Variants in CDH18 observed in about 807,000 individuals in gnomAD.
CDH18 encodes cadherin-18.
CDH18 carries 31 observed loss-of-function variants against 67.9 expected under a neutral mutation model. The ratio of observed to expected loss-of-function variants is 0.46; its 90% CI spans 0.34 to 0.62. The LOEUF is 0.62. CDH18 is among the 20% of genes least tolerant of loss of function. The pLI, the probability that CDH18 is intolerant of heterozygous loss-of-function variation, is 0.01. For missense variants in CDH18, 890 were observed against 975.5 expected (o/e 0.91, Z 1.17); for synonymous variants, 362 against 347.2 (o/e 1.04, Z -0.48).
At chr5:19,694,738 T>C (rs1762328928) in intron 5 of CDH18, among the ~76,000 whole-genome samples, 1 of 151,930 alleles carries the variant, frequency 6.6e-6, no homozygotes, top group Non-Finnish European at 1.5e-5. Context: ...TTGTAAAAGA[T>C]AAAAATTAAC....
chr5:20,344,064 A>G (rs577959426), intron 1 of CDH18, among the ~76,000 whole-genome samples: 7 of 152,186 alleles, frequency 4.6e-5, no homozygotes, highest in Non-Finnish European at 1.0e-4. Context: ...AGAATGAGCC[A>G]TCTCTCAAGG....
At chr5:19,868,901 G>GA (rs904492144) in intron 2 of CDH18, among the ~76,000 whole-genome samples, 24 of 152,188 alleles carry the variant, frequency 1.6e-4, no homozygotes, top group African/African-American at 5.8e-4. Context: ...ATGGGCTAAG[G>GA]AAAAATAGAC....
chr5:19,953,435 A>C (rs1795987559), intron 2 of CDH18, among the ~76,000 whole-genome samples: 1 of 151,990 alleles, frequency 6.6e-6, no homozygotes, highest in African/African-American at 2.4e-5. Flanking sequence ...ACAATGAGCA[A>C]TCCTTAGAAT....
chr5:20,354,940 C>T (rs1227123120), intron 1 of CDH18, among the ~76,000 whole-genome samples: 2 of 152,098 alleles, frequency 1.3e-5, no homozygotes, highest in Non-Finnish European at 2.9e-5. Flanking sequence ...AATAATTGCT[C>T]CAAGACAATA....
intron 2 of CDH18, among the ~76,000 whole-genome samples, chr5:19,916,846 T>C (rs1187249232): frequency 2.6e-5 from 4 of 152,148 alleles, no homozygotes; most frequent in Non-Finnish European, 4.4e-5. Context: ...TAAAGAATGC[T>C]TCAACAAAAT....
intron 3 of CDH18, among the ~76,000 whole-genome samples, chr5:19,753,218 T>C (rs1426260239): frequency 6.6e-6 from 1 of 152,104 alleles, no homozygotes; most frequent in Non-Finnish European, 1.5e-5. Context: ...GGAGGTTAGT[T>C]ATTAATCTAA....
chr5:20,115,162 C>T (rs563651572), intron 2 of CDH18, among the ~76,000 whole-genome samples: 1 of 151,344 alleles, frequency 6.6e-6, no homozygotes, highest in Non-Finnish European at 1.5e-5. Flanking sequence ...TGCAGATTAC[C>T]GCCTTTTTGG....
chr5:19,867,644 ATATATATT>A (rs1785707825), intron 2 of CDH18, among the ~76,000 whole-genome samples: 1 of 3,482 alleles, frequency 2.9e-4, no homozygotes, highest in African/African-American at 8.3e-4. Context: ...GACTCTAAAT[ATATATATT>A]TATATATTTA....
At chr5:19,556,817 A>G (rs1738524140) in intron 8 of CDH18, among the ~76,000 whole-genome samples, 1 of 152,168 alleles carries the variant, frequency 6.6e-6, no homozygotes, top group Admixed American at 6.5e-5. Context: ...TCCTAGGCAC[A>G]TAGTCATCAG....
At chr5:20,543,691 G>T (rs1197411198) in intron 1 of CDH18, among the ~76,000 whole-genome samples, 4 of 152,068 alleles carry the variant, frequency 2.6e-5, no homozygotes, top group Non-Finnish European at 4.4e-5. Flanking sequence ...TATGTGCAAA[G>T]ATGTATTTAA....
intron 1 of CDH18, among the ~76,000 whole-genome samples, chr5:20,571,329 C>T (rs1323445076): frequency 1.3e-5 from 2 of 152,040 alleles, no homozygotes; most frequent in Non-Finnish European, 2.9e-5. Flanking sequence ...AATTTTAGCC[C>T]ATCTCCATTT....
intron 2 of CDH18, among the ~76,000 whole-genome samples, chr5:20,040,442 G>A (rs1740320461): frequency 6.6e-6 from 1 of 152,114 alleles, no homozygotes; most frequent in South Asian, 2.1e-4. Context: ...AAGGTGTACT[G>A]AGTTTTAAGA....
chr5:20,240,803 G>A (rs1463264229), intron 2 of CDH18, among the ~76,000 whole-genome samples: 1 of 151,954 alleles, frequency 6.6e-6, no homozygotes, highest in South Asian at 2.1e-4. Flanking sequence ...CTCAAGTTCT[G>A]CTTTTTATTT....
intron 3 of CDH18, among the ~76,000 whole-genome samples, chr5:19,831,775 A>G (rs1781059442): frequency 6.6e-6 from 1 of 152,120 alleles, no homozygotes; most frequent in Admixed American, 6.6e-5. Context: ...CCCAAAATAA[A>G]TTGTTCTAAC....
intron 6 of CDH18, among the ~76,000 whole-genome samples, chr5:19,599,714 A>G (rs1482694655): frequency 6.6e-6 from 1 of 152,086 alleles, no homozygotes; most frequent in African/African-American, 2.4e-5. Context: ...CATCCTGGCT[A>G]ACACGGTGAA....
intron 2 of CDH18, among the ~76,000 whole-genome samples, chr5:19,892,130 A>C (rs1788838595): frequency 6.6e-6 from 1 of 152,194 alleles, no homozygotes; most frequent in African/African-American, 2.4e-5. Context: ...TGCAATAGGA[A>C]ACAATAGAAA....
At chr5:20,207,380 T>C (rs1739981414) in intron 2 of CDH18, among the ~76,000 whole-genome samples, 1 of 152,022 alleles carries the variant, frequency 6.6e-6, no homozygotes, top group South Asian at 2.1e-4. Context: ...GGAAAATTAA[T>C]ATTGTTAAAA....
chr5:19,875,739 C>T (rs1786914764), intron 2 of CDH18, among the ~76,000 whole-genome samples: 1 of 151,654 alleles, frequency 6.6e-6, no homozygotes. Flanking sequence ...TAATTTTTAT[C>T]AGTGTTTTAT....
chr5:20,188,829 CCTTAA>C (rs973204956), intron 2 of CDH18, among the ~76,000 whole-genome samples: 4 of 133,704 alleles, frequency 3.0e-5, no homozygotes, highest in African/African-American at 1.2e-4. Context: ...AAAAAAAGTC[CCTTAA>C]CTTATTTTCT....
Sources: gnomAD v4.1 joint callset for allele counts (sites outside exome capture counted in the v4.1 genomes callset) on GRCh38, gnomAD v4.1.1 for gene constraint, MANE v1.5 for transcripts, NCBI Gene and HGNC (gene_info 2026-07-23, HGNC 2026-07-21) for gene names.